ASNS: variants seen among roughly 807,000 people sequenced by gnomAD.
The protein encoded by ASNS is asparagine synthetase (glutamine-hydrolyzing), also known as asparagine synthetase [glutamine-hydrolyzing].
Under a neutral mutation model 62.6 loss-of-function variants are expected in ASNS, and 37 were observed. That is an observed-to-expected ratio of 0.59 (90% CI 0.45 to 0.78). ASNS has a LOEUF of 0.78. Among genes scored for constraint, ASNS ranks in the 30% least tolerant of loss-of-function variants. The pLI is 0.00. For synonymous variants in ASNS, 207 were observed against 237.9 expected, an observed-to-expected ratio of 0.87 and a Z score of 1.19; for missense variants, 520 against 682.4, an observed-to-expected ratio of 0.76 and a Z score of 2.65.
chr7:97,922,240 C>A, the ASNS span, among the ~76,000 whole-genome samples: 5 of 152,142 alleles, frequency 3.3e-5, no homozygotes, highest in African/African-American at 9.6e-5. Context: ...GTGGTGCATG[C>A]CTGTACTCCC....
At chr7:97,862,537 T>C (rs187122905) in intron 4 of ASNS, among the ~76,000 whole-genome samples, 1 of 152,224 alleles carries the variant, frequency 6.6e-6, no homozygotes, top group Admixed American at 6.5e-5. Context: ...ACTGTAATGG[T>C]GGGTACATGG....
chr7:97,926,990 C>T, the ASNS span, among the ~76,000 whole-genome samples: 1 of 151,316 alleles, frequency 6.6e-6, no homozygotes, highest in Non-Finnish European at 1.5e-5. Flanking sequence ...CTCACTGCAG[C>T]CCGACCTTCC....
intron 3 of ASNS, among the ~76,000 whole-genome samples, chr7:97,868,656 GAGA>G (rs1792094424): frequency 6.6e-6 from 1 of 152,028 alleles, no homozygotes; most frequent in Non-Finnish European, 1.5e-5. Context: ...AAAAGCTGGG[GAGA>G]AGGAGAAAAA....
intron 3 of ASNS, among the ~76,000 whole-genome samples, chr7:97,866,121 C>T (rs1584473446): frequency 6.6e-6 from 1 of 152,132 alleles, no homozygotes; most frequent in Non-Finnish European, 1.5e-5. Flanking sequence ...CACTAAAAAA[C>T]GTGTCTTTTG....
upstream of ASNS, among the ~76,000 whole-genome samples, chr7:97,873,770 G>C (rs566101701): frequency 1.1e-4 from 17 of 152,118 alleles, no homozygotes; most frequent in African/African-American, 4.1e-4. Flanking sequence ...AGGTTCCCCT[G>C]CTTGGTGTGT....
At chr7:97,887,984 G>GT in the ASNS span, among the ~76,000 whole-genome samples, 3 of 148,418 alleles carry the variant, frequency 2.0e-5, no homozygotes, top group African/African-American at 7.4e-5. Context: ...CCTTTTGTTT[G>GT]TTTGTTTGTT....
chr7:97,870,854 T>C (rs1343880790), intron 1 of ASNS, among the ~76,000 whole-genome samples: 2 of 152,042 alleles, frequency 1.3e-5, no homozygotes, highest in Non-Finnish European at 2.9e-5. Context: ...ACCACTAAAC[T>C]GGAGGGGAAA....
the ASNS span, among the ~76,000 whole-genome samples, chr7:97,913,465 C>T: frequency 6.6e-6 from 1 of 152,296 alleles, no homozygotes; most frequent in African/African-American, 2.4e-5. Flanking sequence ...ATGTGCCTTT[C>T]GTATGCTCTC....
chr7:97,883,533 C>A, the ASNS span, among the ~76,000 whole-genome samples: 1 of 152,202 alleles, frequency 6.6e-6, no homozygotes, highest in African/African-American at 2.4e-5. Context: ...GCCACCATCA[C>A]CTCCAGCTGT....
At chr7:97,899,051 G>A in the ASNS span, 1 of 622,066 alleles carries the variant, frequency 1.6e-6, no homozygotes, top group East Asian at 2.7e-5. Context: ...TTAGAGAATG[G>A]ACCAACTACT....
At chr7:97,916,995 C>G in the ASNS span, among the ~76,000 whole-genome samples, 32 of 152,182 alleles carry the variant, frequency 2.1e-4, no homozygotes, top group African/African-American at 7.5e-4. Context: ...ACTAAAGTGG[C>G]CCGAGAGGAT....
At chr7:97,875,033 A>C (rs1209208041), upstream of ASNS, among the ~76,000 whole-genome samples, 1 of 151,860 alleles carries the variant, frequency 6.6e-6, no homozygotes, top group Non-Finnish European at 1.5e-5. Context: ...ACGAACTTTA[A>C]AAATGCCTTT....
chr7:97,896,739 C>CATATAT, the ASNS span, among the ~76,000 whole-genome samples: 32 of 31,986 alleles, frequency 1.0e-3, no homozygotes, highest in South Asian at 6.4e-3. Context: ...CACACACACA[C>CATATAT]ACATATATAT....
the ASNS span, among the ~76,000 whole-genome samples, chr7:97,900,383 A>AC: frequency 6.6e-6 from 1 of 151,044 alleles, no homozygotes; most frequent in African/African-American, 2.4e-5. Flanking sequence ...AAAAAAAAAA[A>AC]ACAGAAAATA....
chr7:97,872,615 A>C (rs1007329311), upstream of ASNS: 4 of 152,280 alleles, frequency 2.6e-5, no homozygotes, highest in Admixed American at 2.6e-4. Flanking sequence ...GCGCCTGTTT[A>C]AGGATAGCCT....
At chr7:97,906,418 G>A in the ASNS span, 3 of 260,010 alleles carry the variant, frequency 1.2e-5, no homozygotes, top group African/African-American at 7.0e-5. Flanking sequence ...CATGTCCCCA[G>A]TGCATCCAGT....
At chr7:97,891,048 A>T in the ASNS span, among the ~76,000 whole-genome samples, 1 of 152,244 alleles carries the variant, frequency 6.6e-6, no homozygotes, top group Non-Finnish European at 1.5e-5. Flanking sequence ...CACACTGCTG[A>T]TAAAGACATA....
chr7:97,913,906 G>A, the ASNS span, among the ~76,000 whole-genome samples: 2 of 151,698 alleles, frequency 1.3e-5, no homozygotes, highest in East Asian at 3.9e-4. Flanking sequence ...GTGAAGGGAT[G>A]GCTGAGTGGG....
Position 97,869,087 on chromosome 7 carries a change from T to C in ASNS, c.70A>G (p.Ile24Val), listed in dbSNP as rs1792123343. 1 of 1,614,194 alleles carries C rather than the reference T, an allele frequency of 6.2e-7. No homozygotes were observed. The highest frequency in any genetic ancestry group is 1.7e-5 in the Admixed American group (1 of 60,036). The change falls in exon 3 of 13, where the codon ATT becomes GTT. Residue 24 changes from isoleucine to valine, a missense_variant. By Grantham distance (29) the Ile-to-Val change is conservative. Transcript: ENST00000394308. Reference protein sequence around the residue: ...LSVQCLSAMKIAHRGPDAFRF... With the variant: ...LSVQCLSAMKVAHRGPDAFRF... The stretch of plus-strand genomic sequence containing the variant: ...AATGCATCTGGACCTCTGTGTGCAA[T>C]CTTCATAGCACTCAGACACTGAACA...
Sources: allele counts gnomAD v4.1 joint callset (sites outside exome capture counted in the v4.1 genomes callset), GRCh38; gene constraint gnomAD v4.1.1; transcripts MANE v1.5; gene names NCBI Gene and HGNC (gene_info 2026-07-23, HGNC 2026-07-21).